The following ZNF385D variants were observed in gnomAD, a reference collection of about 807,000 sequenced individuals.
ZNF385D encodes zinc finger protein 385D.
ZNF385D carries 15 observed loss-of-function variants against 35.8 expected under a neutral mutation model. The observed-to-expected ratio is 0.42, with a 90% confidence interval of 0.28 to 0.64. The LOEUF (loss-of-function observed/expected upper bound fraction) is 0.64, where lower values mean the gene tolerates loss of function less well. ZNF385D is among the 30% of genes least tolerant of loss of function. ZNF385D has a pLI of 0.23. For missense variants in ZNF385D, 474 were observed against 494.6 expected, an observed-to-expected ratio of 0.96 and a Z score of 0.39; for synonymous variants, 212 against 186.8, an observed-to-expected ratio of 1.13 and a Z score of -1.10.
intron 3 of ZNF385D, among the ~76,000 whole-genome samples, chr3:21,791,914 T>A (rs1278939915): frequency 1.3e-5 from 2 of 152,056 alleles, no homozygotes; most frequent in African/African-American, 4.8e-5. Flanking sequence ...TTTGTTTATT[T>A]AGTAGAGACG....
intron 3 of ZNF385D, among the ~76,000 whole-genome samples, chr3:22,120,154 T>G (rs2125662954): frequency 6.6e-6 from 1 of 152,098 alleles, no homozygotes; most frequent in Non-Finnish European, 1.5e-5. Flanking sequence ...TGTGGGGGAC[T>G]TAATGAAGGT....
In ZNF385D at chr3:22,158,954, T is replaced by TTA. The variant is rs549606935; in HGVS notation, c.325+9861_325+9862dup. Among the ~76,000 whole-genome samples the TTA allele has an allele frequency of 2.5e-3, 379 of 152,050 alleles. 1 individual carries two copies. The highest frequency in any genetic ancestry group is 8.9e-3 in the African/African-American group (368 of 41,510). On this transcript the variant is annotated intron_variant, in intron 3 of 5. Coordinates refer to the ZNF385D transcript ENST00000494108. ...AAATGTAAAGGAAGGAAAACAAAAG[T>TTA]TAAAAAGCTTATACTTTCAAACCTA...
chr3:22,087,528 A>G (rs780653430), intron 3 of ZNF385D, among the ~76,000 whole-genome samples: 2 of 152,150 alleles, frequency 1.3e-5, no homozygotes, highest in African/African-American at 2.4e-5. Flanking sequence ...ATGTAACATG[A>G]TGACTGGAAC....
At chr3:21,923,235 C>T (rs1313686459) in intron 3 of ZNF385D, among the ~76,000 whole-genome samples, 1 of 151,666 alleles carries the variant, frequency 6.6e-6, no homozygotes, top group Non-Finnish European at 1.5e-5. Flanking sequence ...TTCCTGTGTC[C>T]AAGTGTTCTC....
At chr3:21,804,643 C>T (rs542420208) in intron 3 of ZNF385D, among the ~76,000 whole-genome samples, 20 of 152,112 alleles carry the variant, frequency 1.3e-4, no homozygotes, top group Non-Finnish European at 2.8e-4. Flanking sequence ...AGCTATTTAC[C>T]TCTGGGCAAT....
rs79085928 is a variant in ZNF385D at position 22,272,193 on chromosome 3, G to A, written c.106+100257C>T. ...AAGCCAGTAATAACGACGCCACGAG[G>A]GCTAGGACTTTCACATTCAGCTATC... On this transcript the variant is annotated intron_variant, in intron 2 of 5. Transcript: ENST00000494108. 4.4e-3 allele frequency among the ~76,000 whole-genome samples: 674 copies of A among 152,062 alleles called. 7 individuals are homozygous for A. Among genetic ancestry groups the A allele is most frequent in the African/African-American group, 0.015 (641 of 41,518 alleles).
At chr3:21,943,002 A>C (rs1171936164) in intron 3 of ZNF385D, among the ~76,000 whole-genome samples, 1 of 152,194 alleles carries the variant, frequency 6.6e-6, no homozygotes, top group Non-Finnish European at 1.5e-5. Context: ...AATGGTTAAG[A>C]ACTTATAAAT....
chr3:22,123,960 C>A (rs4044492), intron 3 of ZNF385D, among the ~76,000 whole-genome samples: 8,885 of 69,844 alleles, frequency 0.13, 358 homozygotes, highest in Non-Finnish European at 0.19. Context: ...CTCTCTCTCT[C>A]TCTATATATA....
At chr3:21,761,450 G>A (rs1313610632) in intron 3 of ZNF385D, among the ~76,000 whole-genome samples, 1 of 152,194 alleles carries the variant, frequency 6.6e-6, no homozygotes, top group Non-Finnish European at 1.5e-5. Context: ...TGATGGCAAG[G>A]TGGTCTAGAA....
intron 2 of ZNF385D, among the ~76,000 whole-genome samples, chr3:22,211,489 A>G (rs1383258694): frequency 4.6e-5 from 7 of 151,942 alleles, no homozygotes; most frequent in Admixed American, 4.0e-4. Flanking sequence ...ATTATCTTAC[A>G]TGAGCATTTG....
intron 3 of ZNF385D, among the ~76,000 whole-genome samples, chr3:21,822,431 C>T (rs1018682899): frequency 2.0e-5 from 3 of 152,056 alleles, no homozygotes; most frequent in Non-Finnish European, 2.9e-5. Flanking sequence ...GTTGGCTAAA[C>T]CTCAGCACTG....
chr3:21,756,307 T>A (rs1422956844), intron 3 of ZNF385D, among the ~76,000 whole-genome samples: 1 of 152,136 alleles, frequency 6.6e-6, no homozygotes, highest in Non-Finnish European at 1.5e-5. Flanking sequence ...AGATTTTTTT[T>A]AAAGTAGTGG....
At chr3:22,109,843 C>A (rs1208662579) in intron 3 of ZNF385D, among the ~76,000 whole-genome samples, 1 of 152,122 alleles carries the variant, frequency 6.6e-6, no homozygotes, top group Non-Finnish European at 1.5e-5. Context: ...GAACAGGCAG[C>A]GTACAGAATG....
rs112465001 is a variant in ZNF385D at position 21,750,489 on chromosome 3, G to A, written c.22+406C>T. Among the ~76,000 whole-genome samples the A allele has an allele frequency of 8.5e-3, 1,299 of 152,120 alleles. 6 individuals are homozygous for A. Among genetic ancestry groups the A allele is most frequent in the African/African-American group, 0.029 (1,188 of 41,404 alleles). ...CAAGAAAAACCAGCAAATACTGAAT[G>A]AAATGCTCATATTGACTAAGCTTTC... On this transcript the variant is annotated intron_variant, in intron 1 of 7. Coordinates refer to ENST00000281523, the MANE Select transcript of ZNF385D (RefSeq NM_024697.3).
intron 3 of ZNF385D, among the ~76,000 whole-genome samples, chr3:22,087,568 G>C (rs983368658): frequency 4.6e-5 from 7 of 152,118 alleles, no homozygotes; most frequent in African/African-American, 1.7e-4. Context: ...CTGTGAGGTG[G>C]AAATTAGTTA....
intron 3 of ZNF385D, among the ~76,000 whole-genome samples, chr3:21,977,821 G>A (rs552221734): frequency 1.3e-4 from 20 of 152,090 alleles, no homozygotes; most frequent in South Asian, 8.3e-4. Flanking sequence ...GGGCAACAGA[G>A]CAAAACCCTG....
chr3:21,905,475 C>T (rs1699637825), intron 3 of ZNF385D, among the ~76,000 whole-genome samples: 1 of 148,506 alleles, frequency 6.7e-6, no homozygotes, highest in Non-Finnish European at 1.5e-5. Context: ...AGGCACACTG[C>T]TCAACTTAAG....
At chr3:22,216,667 A>T (rs368302086) in intron 2 of ZNF385D, among the ~76,000 whole-genome samples, 1 of 152,148 alleles carries the variant, frequency 6.6e-6, no homozygotes, top group Non-Finnish European at 1.5e-5. Flanking sequence ...CATAGAGAAG[A>T]TGGAATGTCA....
At position 21,738,199 on chromosome 3, in the gene ZNF385D, A is replaced by T. The variant is rs548950916; in HGVS notation, c.22+12696T>A. Among the ~76,000 whole-genome samples, 14 of 152,262 alleles carry T rather than the reference A, an allele frequency of 9.2e-5. No individual in the cohort carries two copies. The South Asian group carries it at 2.7e-3, about 29-fold the overall frequency. On this transcript the variant is annotated intron_variant, in intron 1 of 7. Coordinates refer to ENST00000281523, the MANE Select transcript of ZNF385D (RefSeq NM_024697.3). ...GCCTTCTTCAAACAACTGCTGCTCT[A>T]TTGGAATGGTGAGAATACGCTCCTA...
Sources: gnomAD v4.1 joint callset for allele counts (sites outside exome capture counted in the v4.1 genomes callset) on GRCh38, gnomAD v4.1.1 for gene constraint, MANE v1.5 for transcripts, NCBI Gene and HGNC (gene_info 2026-07-23, HGNC 2026-07-21) for gene names.